The following PNLIP variants were observed in gnomAD, a reference collection of about 807,000 sequenced individuals.
PNLIP encodes the protein pancreatic lipase.
A neutral mutation model predicts 57.1 loss-of-function variants in PNLIP; 49 were observed. The ratio of observed to expected loss-of-function variants is 0.86; its 90% CI spans 0.68 to 1.09. The LOEUF (loss-of-function observed/expected upper bound fraction) is 1.09, where lower values mean the gene tolerates loss of function less well. Among genes scored for constraint, PNLIP ranks in the 50% least tolerant of loss-of-function variants. The pLI, the probability that PNLIP is intolerant of heterozygous loss-of-function variation, is 0.00. For synonymous variants in PNLIP, 209 were observed against 200.4 expected (o/e 1.04, Z -0.36); for missense variants, 503 against 570.2 (o/e 0.88, Z 1.20).
At chr10:116,567,030 C>T (rs1187618317) in intron 12 of PNLIP, among the ~76,000 whole-genome samples, 2 of 148,582 alleles carry the variant, frequency 1.3e-5, no homozygotes, top group African/African-American at 5.0e-5. Flanking sequence ...CTTCCTCCCT[C>T]CCTCTGTCCT....
chr10:116,557,171 T>G (rs900071213), intron 9 of PNLIP, among the ~76,000 whole-genome samples: 3 of 152,214 alleles, frequency 2.0e-5, no homozygotes, highest in Admixed American at 2.0e-4. Context: ...TAACTTTATT[T>G]TTATTTTCTT....
Position 116,545,941 on chromosome 10 carries a change from C to A in PNLIP, c.-18C>A. ...TGTTGCTATCTGGTTGCGTGTGGAA[C>A]CTGACGGAACTGCCACGGTGAGTCG... On this transcript the variant is annotated 5_prime_UTR_variant, in exon 1 of 13. Transcript: ENST00000369221. 2 of 619,702 alleles carry A rather than the reference C, an allele frequency of 3.2e-6. No individual in the cohort carries two copies. Among genetic ancestry groups the A allele is most frequent in the Non-Finnish European group, 2.9e-6 (1 of 345,080 alleles). 38.4% of individuals were successfully genotyped at this position (619,702 alleles called of 1,614,324 possible).
chr10:116,558,896 A>T (rs1335543770), intron 9 of PNLIP, among the ~76,000 whole-genome samples: 1 of 152,168 alleles, frequency 6.6e-6, no homozygotes, highest in African/African-American at 2.4e-5. Context: ...AAGTGCTGGG[A>T]TTACAAGCGT....
intron 2 of PNLIP, among the ~76,000 whole-genome samples, chr10:116,546,691 G>A (rs966586431): frequency 2.0e-5 from 3 of 152,202 alleles, no homozygotes; most frequent in African/African-American, 7.2e-5. Context: ...CACAACAGCT[G>A]CTACTCTTAC....
rs192804353 is a variant in PNLIP at position 116,566,531 on chromosome 10, C to T, written c.1335-1204C>T. On this transcript the variant is annotated intron_variant, in intron 12 of 12. Transcript: ENST00000369221. The stretch of plus-strand genomic sequence containing the variant: ...TGTGTGTGTTGTGTGTGTGTGAAAA[C>T]GTATCAATTTAAATATGTACAGTTT... Among the ~76,000 whole-genome samples, 6 of 151,984 alleles carry T rather than the reference C, an allele frequency of 3.9e-5. No homozygotes were observed. In the East Asian group the frequency reaches 5.8e-4, roughly 15 times the overall value.
chr10:116,550,053 C>CTTT (rs1176488381), intron 4 of PNLIP, among the ~76,000 whole-genome samples: 241 of 98,878 alleles, frequency 2.4e-3, no homozygotes, highest in Non-Finnish European at 3.0e-3. Context: ...TTCTCAAATT[C>CTTT]TTTTTTTTTT....
chr10:116,553,687 T>C (rs762376268), intron 5 of PNLIP, 40 bp from the exon 6 acceptor site: 1 of 1,224,908 alleles, frequency 8.2e-7, no homozygotes, highest in Non-Finnish European at 1.2e-6. Context: ...AACTCATGAC[T>C]GCACTTGAAA....
rs1474448995 is a variant in PNLIP, at chr10:116,565,585, T to C, written c.1335-2150T>C. 2.8e-5 allele frequency among the ~76,000 whole-genome samples: 4 copies of C among 144,710 alleles called. No homozygotes were observed. The Admixed American group carries it at 2.9e-4, about 10-fold the overall frequency. 94.9% of individuals were successfully genotyped at this position (144,710 alleles called of 152,430 possible). On this transcript the variant is annotated intron_variant, in intron 12 of 12. Transcript: ENST00000369221. ...AAGTGATTCTCCTGCCTCAGCCGCCTGTGTAGCTGAGATTACAGGCAGCAG... is the reference window on the plus strand; with the variant it reads ...AAGTGATTCTCCTGCCTCAGCCGCCCGTGTAGCTGAGATTACAGGCAGCAG...
rs1167996316 is a variant in PNLIP at position 116,547,421 on chromosome 10, T to C, written c.174T>C (p.Tyr58=). The C allele has an allele frequency of 6.2e-7, 1 of 1,613,490 alleles. No homozygotes were observed. The highest frequency in any genetic ancestry group is 2.2e-5 in the East Asian group (1 of 44,874). ...ATGTCAACACCCGCTTCCTCCTATA[T>C]ACTAATGAGAACCCAAACAACTTTC... ...PKDVNTRFLL[Y]TNENPNNFQE... Residue 58 remains tyrosine (Y), a synonymous_variant, in exon 3 of 13, where the codon TAT becomes TAC. Transcript: ENST00000369221.
intron 4 of PNLIP, among the ~76,000 whole-genome samples, chr10:116,550,362 T>G (rs1847178145): frequency 6.6e-6 from 1 of 151,032 alleles, no homozygotes; most frequent in African/African-American, 2.4e-5. Flanking sequence ...TGGCCTATTC[T>G]CAAATTCTTT....
At chr10:116,550,691 T>C (rs939343418) in intron 4 of PNLIP, among the ~76,000 whole-genome samples, 1 of 152,246 alleles carries the variant, frequency 6.6e-6, no homozygotes, top group Non-Finnish European at 1.5e-5. Context: ...GAATCTGTTC[T>C]GGACACTGAG....
intron 10 of PNLIP, among the ~76,000 whole-genome samples, chr10:116,559,914 G>A (rs906183693): frequency 1.1e-4 from 16 of 151,928 alleles, no homozygotes; most frequent in African/African-American, 3.9e-4. Context: ...CGTTCTTTTG[G>A]TTTTCATAAA....
chr10:116,560,462 A>G lies in PNLIP; in HGVS notation c.1107A>G (p.Thr369=), dbSNP rs762040963. ...VSVTLSGKKV[T]GHILVSLFGN... ...TCACACTGTCTGGAAAAAAGGTTAC[A>G]GGACACATACTAGTTTCTTTGTTCG... The change falls in exon 11 of 13, where the codon ACA becomes ACG. Residue 369 remains threonine, a synonymous_variant. Coordinates refer to ENST00000369221, the MANE Select transcript of PNLIP (RefSeq NM_000936.4). 21 of 1,609,700 alleles carry G rather than the reference A, an allele frequency of 1.3e-5. No homozygotes were observed. In the South Asian group the frequency reaches 2.1e-4, roughly 16 times the overall value.
At chr10:116,546,220 C>T (rs1386027160) in intron 2 of PNLIP, 82 bp downstream of exon 2, 28 of 1,151,504 alleles carry the variant, frequency 2.4e-5, no homozygotes, top group Admixed American at 1.0e-4. Flanking sequence ...GAATTCAGGC[C>T]GCAGTAATAA....
At chr10:116,557,217 A>T (rs1002195233) in intron 9 of PNLIP, among the ~76,000 whole-genome samples, 4 of 152,196 alleles carry the variant, frequency 2.6e-5, no homozygotes, top group Non-Finnish European at 2.9e-5. Context: ...GGGGAAAAAA[A>T]TAAAGAAGCA....
chr10:116,554,667 A>T (rs971313874), intron 6 of PNLIP, among the ~76,000 whole-genome samples: 1 of 152,184 alleles, frequency 6.6e-6, no homozygotes, highest in African/African-American at 2.4e-5. Flanking sequence ...AACCCTTGGG[A>T]TAAGTCGGCT....
intron 12 of PNLIP, among the ~76,000 whole-genome samples, chr10:116,564,124 C>A (rs144419581): frequency 7.0e-4 from 106 of 152,124 alleles, no homozygotes; most frequent in African/African-American, 2.4e-3. Flanking sequence ...ACATAAAAAT[C>A]AAAATGCTCA....
chr10:116,560,865 A>T (rs1372890043), intron 11 of PNLIP, among the ~76,000 whole-genome samples: 1 of 152,170 alleles, frequency 6.6e-6, no homozygotes, highest in Admixed American at 6.5e-5. Context: ...GGCATGAGCC[A>T]TGGTGGCCAG....
intron 4 of PNLIP, among the ~76,000 whole-genome samples, chr10:116,549,338 G>T (rs1847164761): frequency 6.6e-6 from 1 of 152,052 alleles, no homozygotes; most frequent in Non-Finnish European, 1.5e-5. Context: ...AATTAGCCAG[G>T]TATGGTGGCA....
Sources: gnomAD v4.1 joint callset for allele counts (sites outside exome capture counted in the v4.1 genomes callset) on GRCh38, gnomAD v4.1.1 for gene constraint, MANE v1.5 for transcripts, NCBI Gene and HGNC (gene_info 2026-07-23, HGNC 2026-07-21) for gene names.